GPC6: variants seen among roughly 807,000 people sequenced by gnomAD.
GPC6 encodes the protein glypican-6.
A neutral mutation model predicts 55.2 loss-of-function variants in GPC6; 14 were observed. The ratio of observed to expected loss-of-function variants is 0.25; its 90% CI spans 0.17 to 0.40. GPC6 has a LOEUF of 0.40. GPC6 is among the 10% of genes least tolerant of loss of function. The pLI, the probability that GPC6 is intolerant of heterozygous loss-of-function variation, is 1.00. For synonymous variants in GPC6, 278 were observed against 259.6 expected (o/e 1.07, Z -0.68); for missense variants, 641 against 708.5 (o/e 0.90, Z 1.08).
chr13:93,607,521 T>G (rs540661234), intron 2 of GPC6, among the ~76,000 whole-genome samples: 4 of 152,172 alleles, frequency 2.6e-5, no homozygotes, highest in African/African-American at 4.8e-5. Context: ...TTTTCCTTCC[T>G]TGTATTCCTG....
Position 94,406,459 on chromosome 13 carries a change from C to G in GPC6, c.*3242C>G, listed in dbSNP as rs1881371001. 1 of 152,092 alleles carries G rather than the reference C, an allele frequency of 6.6e-6. No homozygotes were observed. The highest frequency in any genetic ancestry group is 2.4e-5 in the African/African-American group (1 of 41,456). 9.4% of individuals were successfully genotyped at this position (152,092 alleles called of 1,614,324 possible). ...GAACATTAGCACTAGAAATCTGTCT[C>G]CCTTACAATGACTTACCTAGCTAGC... On this transcript the variant is annotated 3_prime_UTR_variant, in exon 9 of 9. Coordinates refer to ENST00000377047, the MANE Select transcript of GPC6 (RefSeq NM_005708.5).
chr13:93,461,495 G>T (rs1878686012), intron 1 of GPC6, among the ~76,000 whole-genome samples: 1 of 151,970 alleles, frequency 6.6e-6, no homozygotes, highest in Non-Finnish European at 1.5e-5. Context: ...TTCCAAAAGG[G>T]TACCTACATA....
Position 93,614,100 on chromosome 13 carries a change from A to G in GPC6, c.319+68679A>G, listed in dbSNP as rs139130619. Among the ~76,000 whole-genome samples, 429 of 152,314 alleles carry G rather than the reference A, an allele frequency of 2.8e-3. 2 individuals carry two copies. Among genetic ancestry groups the G allele is most frequent in the African/African-American group, 9.5e-3 (395 of 41,574 alleles). On this transcript the variant is annotated intron_variant, in intron 2 of 8. Coordinates refer to ENST00000377047, the MANE Select transcript of GPC6 (RefSeq NM_005708.5). Reference sequence around the variant, plus strand: ...AGGAATAGACTTTATTTTCTCCTCAAATATGTTTTGATTAGACAGCAAATT... The same window carrying G: ...AGGAATAGACTTTATTTTCTCCTCAGATATGTTTTGATTAGACAGCAAATT...
intron 3 of GPC6, among the ~76,000 whole-genome samples, chr13:94,022,771 C>G (rs914660806): frequency 2.0e-5 from 3 of 152,014 alleles, no homozygotes; most frequent in African/African-American, 7.2e-5. Flanking sequence ...TGCTTTTATC[C>G]TAACAGGTGT....
At chr13:94,096,857 C>T (rs1885676865) in intron 4 of GPC6, among the ~76,000 whole-genome samples, 2 of 152,178 alleles carry the variant, frequency 1.3e-5, no homozygotes, top group South Asian at 4.1e-4. Flanking sequence ...TACACACTCA[C>T]ACTTGTTCAT....
chr13:93,510,955 A>ATG (rs1880934564), intron 1 of GPC6, among the ~76,000 whole-genome samples: 2 of 84,132 alleles, frequency 2.4e-5, no homozygotes, highest in African/African-American at 8.5e-5. Flanking sequence ...TGAGAAATAT[A>ATG]TATATATATA....
At chr13:93,397,684 T>C (rs1050249013) in intron 1 of GPC6, among the ~76,000 whole-genome samples, 2 of 152,150 alleles carry the variant, frequency 1.3e-5, no homozygotes, top group African/African-American at 4.8e-5. Flanking sequence ...TATGTAAAGC[T>C]TTCCAGGTGA....
chr13:93,487,077 G>T (rs900795903), intron 1 of GPC6, among the ~76,000 whole-genome samples: 1 of 152,136 alleles, frequency 6.6e-6, no homozygotes, highest in African/African-American at 2.4e-5. Flanking sequence ...ATACCTCGCA[G>T]TTTGCTCACT....
At chr13:93,519,618 T>C (rs1881332430) in intron 1 of GPC6, among the ~76,000 whole-genome samples, 1 of 151,982 alleles carries the variant, frequency 6.6e-6, no homozygotes, top group Non-Finnish European at 1.5e-5. Context: ...CCAAAGCACA[T>C]CTTAGCATCA....
At chr13:93,318,954 A>G (rs1397075814) in intron 1 of GPC6, among the ~76,000 whole-genome samples, 2 of 152,154 alleles carry the variant, frequency 1.3e-5, no homozygotes, top group South Asian at 2.1e-4. Context: ...GGTTTATTCT[A>G]TGGAGACATT....
intron 4 of GPC6, among the ~76,000 whole-genome samples, chr13:94,049,515 G>C (rs1339727493): frequency 6.6e-6 from 1 of 152,032 alleles, no homozygotes; most frequent in Non-Finnish European, 1.5e-5. Flanking sequence ...TGCTTTCTAA[G>C]ACCTCCTCAC....
At chr13:93,778,707 C>T (rs779686262) in intron 2 of GPC6, among the ~76,000 whole-genome samples, 15 of 152,142 alleles carry the variant, frequency 9.9e-5, no homozygotes, top group Non-Finnish European at 1.9e-4. Context: ...GCTAACTCTC[C>T]ACCCTATCTC....
intron 1 of GPC6, among the ~76,000 whole-genome samples, chr13:93,504,402 A>G (rs555514173): frequency 6.6e-6 from 1 of 151,438 alleles, no homozygotes; most frequent in East Asian, 1.9e-4. Flanking sequence ...GGTTCTCTCA[A>G]CCCCTTCTCC....
intron 3 of GPC6, among the ~76,000 whole-genome samples, chr13:93,980,499 C>T (rs867391767): frequency 6.6e-6 from 1 of 152,124 alleles, no homozygotes; most frequent in Non-Finnish European, 1.5e-5. Flanking sequence ...GGAAATAGGG[C>T]AGGGCTTAGT....
intron 2 of GPC6, among the ~76,000 whole-genome samples, chr13:93,743,461 A>T (rs1884278496): frequency 6.6e-6 from 1 of 152,194 alleles, no homozygotes; most frequent in Admixed American, 6.5e-5. Context: ...TAAGGTATTC[A>T]TCATTAGACT....
intron 1 of GPC6, among the ~76,000 whole-genome samples, chr13:93,351,238 G>GT (rs1162594119): frequency 3.3e-5 from 5 of 152,098 alleles, no homozygotes; most frequent in Non-Finnish European, 7.4e-5. Flanking sequence ...TATAATAGTA[G>GT]TTGCAGTTAA....
At chr13:93,464,429 G>A (rs1012400523) in intron 1 of GPC6, among the ~76,000 whole-genome samples, 1 of 152,178 alleles carries the variant, frequency 6.6e-6, no homozygotes, top group Non-Finnish European at 1.5e-5. Flanking sequence ...GTTATGTAAT[G>A]TTCTAAATAT....
At chr13:94,062,213 A>C (rs1884355684) in intron 4 of GPC6, among the ~76,000 whole-genome samples, 1 of 151,864 alleles carries the variant, frequency 6.6e-6, no homozygotes, top group Non-Finnish European at 1.5e-5. Flanking sequence ...ACTATGTGAG[A>C]TCTTACCCTC....
intron 1 of GPC6, among the ~76,000 whole-genome samples, chr13:93,335,029 T>A (rs1436633469): frequency 6.6e-6 from 1 of 152,212 alleles, no homozygotes; most frequent in Non-Finnish European, 1.5e-5. Flanking sequence ...ATTTCTCCCT[T>A]TCCTCCACAG....
Sources: gnomAD v4.1 joint callset for allele counts (sites outside exome capture counted in the v4.1 genomes callset) on GRCh38, gnomAD v4.1.1 for gene constraint, MANE v1.5 for transcripts, NCBI Gene and HGNC (gene_info 2026-07-23, HGNC 2026-07-21) for gene names.